Variants in ATP8B4 observed in about 807,000 individuals in gnomAD.
The protein encoded by ATP8B4 is ATPase phospholipid transporting 8B4 (putative), also known as probable phospholipid-transporting ATPase IM.
Under a neutral mutation model 145.6 loss-of-function variants are expected in ATP8B4, and 133 were observed. The observed-to-expected ratio is 0.91, with a 90% CI of 0.79 to 1.05. The LOEUF is 1.05. Among genes scored for constraint, ATP8B4 ranks in the 50% least tolerant of loss-of-function variants. The pLI, the probability that ATP8B4 is intolerant of heterozygous loss-of-function variation, is 0.00. For missense variants in ATP8B4, 1,458 were observed against 1,425.2 expected (o/e 1.02, Z -0.37); for synonymous variants, 507 against 492.9 (o/e 1.03, Z -0.38).
intron 6 of ATP8B4, 91 bp from the exon 7 acceptor site, chr15:50,011,008 A>C (rs1346684577): frequency 1.2e-6 from 1 of 855,198 alleles, no homozygotes; most frequent in South Asian, 2.2e-5. Flanking sequence ...ATCATATAAC[A>C]GAGGAAGCAG....
At chr15:49,951,772 G>A (rs372686976) in intron 14 of ATP8B4, among the ~76,000 whole-genome samples, 2 of 152,128 alleles carry the variant, frequency 1.3e-5, no homozygotes, top group East Asian at 1.9e-4. Flanking sequence ...TAGTTGATGC[G>A]GTTTCTTCAT....
chr15:50,143,688 A>C (rs1295763472), intron 1 of ATP8B4, among the ~76,000 whole-genome samples: 1 of 152,178 alleles, frequency 6.6e-6, no homozygotes, highest in Non-Finnish European at 1.5e-5. Context: ...CACAGTAGTA[A>C]AGGGTGGCTT....
chr15:50,157,523 G>A (rs550782088), intron 1 of ATP8B4, among the ~76,000 whole-genome samples: 6 of 152,280 alleles, frequency 3.9e-5, no homozygotes, highest in Non-Finnish European at 7.4e-5. Context: ...ATTGTACAGT[G>A]ATTAACTGAG....
At chr15:50,147,987 C>G (rs1849192028) in intron 1 of ATP8B4, among the ~76,000 whole-genome samples, 2 of 152,118 alleles carry the variant, frequency 1.3e-5, no homozygotes. Context: ...CAAAGAAGAA[C>G]TATATCTTTC....
intron 2 of ATP8B4, among the ~76,000 whole-genome samples, chr15:50,090,667 G>A (rs895602122): frequency 6.6e-6 from 1 of 152,116 alleles, no homozygotes; most frequent in African/African-American, 2.4e-5. Flanking sequence ...GTGAATGAAT[G>A]AATGACTAGT....
intron 23 of ATP8B4, chr15:49,883,520 T>C (rs1322190836): frequency 2.0e-5 from 3 of 152,202 alleles, no homozygotes; most frequent in African/African-American, 7.2e-5. Flanking sequence ...TGATATTTAC[T>C]AAACATCTAC....
chr15:50,027,379 G>A (rs28478831), intron 6 of ATP8B4, among the ~76,000 whole-genome samples: 2 of 148,912 alleles, frequency 1.3e-5, no homozygotes, highest in African/African-American at 5.0e-5. Context: ...GGATGGATGG[G>A]TGGATGGATG....
intron 20 of ATP8B4, among the ~76,000 whole-genome samples, chr15:49,909,040 C>G (rs2038934912): frequency 6.6e-6 from 1 of 152,126 alleles, no homozygotes; most frequent in Non-Finnish European, 1.5e-5. Flanking sequence ...TTGGGATAAC[C>G]CTGTCCCTGC....
chr15:49,952,892 C>CTTTTGT (rs56071045), intron 14 of ATP8B4, among the ~76,000 whole-genome samples: 33,239 of 151,656 alleles, frequency 0.22, 4,752 homozygotes, highest in Non-Finnish European at 0.31. Flanking sequence ...TTGTGGGGGC[C>CTTTTGT]TTTTGTTGTT....
At chr15:50,161,851 G>A (rs2044523908) in intron 1 of ATP8B4, among the ~76,000 whole-genome samples, 1 of 152,108 alleles carries the variant, frequency 6.6e-6, no homozygotes, top group Admixed American at 6.5e-5. Flanking sequence ...TATTATCAGT[G>A]AGTTTTGTAC....
chr15:50,156,089 TATAA>T (rs200574350), intron 1 of ATP8B4, among the ~76,000 whole-genome samples: 1 of 20,540 alleles, frequency 4.9e-5, no homozygotes, highest in East Asian at 1.5e-3. Flanking sequence ...TATATATATA[TATAA>T]ATATATATAT....
chr15:49,923,443 A>G lies in ATP8B4; in HGVS notation c.1694T>C (p.Ile565Thr), dbSNP rs115731591. Residue 565 changes from isoleucine to threonine, a missense_variant, in exon 17 of 28, where the codon ATT becomes ACT. Physicochemically the swap from Ile to Thr is moderately conservative, Grantham distance 89. Transcript: ENST00000284509. ...IKLYSKGADT[I>T]LFEKLHPSNE... ...GGAAGGATGAAGTTTTTCAAACAGAATAGTATCTGCTCCTTTGGAATAAAG... is the reference window on the plus strand; with the variant it reads ...GGAAGGATGAAGTTTTTCAAACAGAGTAGTATCTGCTCCTTTGGAATAAAG... 6.2e-7 allele frequency: 1 copy of G among 1,613,560 alleles called. No individual in the cohort carries two copies. The highest frequency in any genetic ancestry group is 8.5e-7 in the Non-Finnish European group (1 of 1,179,796).
At chr15:49,939,867 A>G (rs191813622) in intron 14 of ATP8B4, among the ~76,000 whole-genome samples, 2 of 152,310 alleles carry the variant, frequency 1.3e-5, no homozygotes, top group East Asian at 3.9e-4. Flanking sequence ...ATCTCACACC[A>G]GTCAGAATGG....
intron 24 of ATP8B4, among the ~76,000 whole-genome samples, chr15:49,879,123 A>G (rs2034975772): frequency 6.6e-6 from 1 of 152,244 alleles, no homozygotes; most frequent in African/African-American, 2.4e-5. Flanking sequence ...TAGAGCCTTT[A>G]GAGCAATCTA....
At chr15:50,148,674 C>T (rs1365684842) in intron 1 of ATP8B4, among the ~76,000 whole-genome samples, 1 of 152,096 alleles carries the variant, frequency 6.6e-6, no homozygotes, top group Admixed American at 6.6e-5. Flanking sequence ...AATTTCTGTT[C>T]TTTATAAATT....
chr15:49,884,734 C>T (rs1054223821), intron 23 of ATP8B4, among the ~76,000 whole-genome samples: 2 of 151,572 alleles, frequency 1.3e-5, no homozygotes, highest in African/African-American at 4.8e-5. Context: ...GGGTCCCCAA[C>T]AGCCTATAAC....
At chr15:49,930,465 T>C (rs2041149273) in intron 16 of ATP8B4, among the ~76,000 whole-genome samples, 1 of 152,028 alleles carries the variant, frequency 6.6e-6, no homozygotes, top group Admixed American at 6.6e-5. Flanking sequence ...AGAGTTAGCA[T>C]TGAGTCAGGA....
At chr15:49,981,351 T>C in intron 10 of ATP8B4, 57 bp from the exon 11 acceptor site, 2 of 1,294,322 alleles carry the variant, frequency 1.5e-6, no homozygotes, top group East Asian at 2.3e-5. Context: ...GTATTCTTAT[T>C]AATGCTCATA....
intron 2 of ATP8B4, among the ~76,000 whole-genome samples, chr15:50,106,049 C>A (rs2056662891): frequency 6.6e-6 from 1 of 152,142 alleles, no homozygotes; most frequent in Non-Finnish European, 1.5e-5. Flanking sequence ...CAGAGTTCAG[C>A]TCATTATGAG....
Sources: allele counts gnomAD v4.1 joint callset (sites outside exome capture counted in the v4.1 genomes callset), GRCh38; gene constraint gnomAD v4.1.1; transcripts MANE v1.5; gene names NCBI Gene and HGNC (gene_info 2026-07-23, HGNC 2026-07-21).